PIBF1: variants seen among roughly 807,000 people sequenced by gnomAD.
The protein encoded by PIBF1 is progesterone-induced-blocking factor 1.
Under a neutral mutation model 112.5 loss-of-function variants are expected in PIBF1, and 90 were observed. The observed-to-expected ratio is 0.80, with a 90% CI of 0.67 to 0.95. PIBF1 has a LOEUF of 0.95. Ranked by LOEUF, PIBF1 falls within the 40% of genes least tolerant of loss-of-function variation. The probability of loss-of-function intolerance (pLI) is 0.00; values close to 1 mark genes in which losing one functional copy is unlikely to be tolerated. For synonymous variants in PIBF1, 301 were observed against 288.6 expected (o/e 1.04, Z -0.44); for missense variants, 915 against 852.3 (o/e 1.07, Z -0.92).
chr13:72,956,843 A>C (rs4885053), intron 14 of PIBF1, among the ~76,000 whole-genome samples: 91,273 of 152,000 alleles, frequency 0.6, 28,029 homozygotes, highest in East Asian at 0.76. Flanking sequence ...CCCCATCAAA[A>C]AGTGGGCTAA....
At chr13:72,940,133 G>A (rs1357679094) in intron 14 of PIBF1, among the ~76,000 whole-genome samples, 1 of 151,902 alleles carries the variant, frequency 6.6e-6, no homozygotes, top group African/African-American at 2.4e-5. Flanking sequence ...TTCCTTTGAG[G>A]ACTTCAATGA....
chr13:73,008,602 T>C (rs2044108298), intron 17 of PIBF1, among the ~76,000 whole-genome samples: 1 of 152,176 alleles, frequency 6.6e-6, no homozygotes, highest in Non-Finnish European at 1.5e-5. Flanking sequence ...TCTGTGGATC[T>C]TACATTCATG....
At chr13:72,788,483 C>T (rs907359285) in intron 2 of PIBF1, among the ~76,000 whole-genome samples, 1 of 152,208 alleles carries the variant, frequency 6.6e-6, no homozygotes, top group African/African-American at 2.4e-5. Flanking sequence ...ATTAGGAACC[C>T]AGGCTCCTTT....
At position 72,792,466 on chromosome 13, in the gene PIBF1, A is replaced by T; in HGVS notation, c.272A>T (p.Lys91Ile). ...YLTKIEELEE[K>I]LNDALHQKQL... is the part of the protein sequence containing the mutation. ...ACGAAGATTGAAGAATTGGAGGAGA[A>T]ACTTAATGATGCACTTCACCAGAAG... Residue 91 changes from lysine (K) to isoleucine (I), a missense_variant, in exon 3 of 18, where the codon AAA becomes ATA. By Grantham distance (102) the Lys-to-Ile change is moderately radical. Coordinates refer to ENST00000326291, the MANE Select transcript of PIBF1 (RefSeq NM_006346.4). The T allele has an allele frequency of 6.4e-7, 1 of 1,565,610 alleles. No homozygotes were observed.
At chr13:72,953,656 A>C (rs1227548615) in intron 14 of PIBF1, among the ~76,000 whole-genome samples, 2 of 152,178 alleles carry the variant, frequency 1.3e-5, no homozygotes, top group African/African-American at 4.8e-5. Flanking sequence ...GGACAGACTC[A>C]AGACCTCCTG....
At chr13:72,906,472 A>G (rs1300998249) in intron 11 of PIBF1, among the ~76,000 whole-genome samples, 1 of 152,098 alleles carries the variant, frequency 6.6e-6, no homozygotes, top group Non-Finnish European at 1.5e-5. Flanking sequence ...TTTTTATTAA[A>G]ACAAATCCTT....
At chr13:72,821,783 T>G (rs1192092930) in intron 5 of PIBF1, 66 bp from the exon 6 acceptor site, 2 of 1,226,464 alleles carry the variant, frequency 1.6e-6, no homozygotes, top group East Asian at 5.1e-5. Context: ...AAGACTTCAA[T>G]ACAGAATTTG....
intron 14 of PIBF1, among the ~76,000 whole-genome samples, chr13:72,958,309 CAAAAAAAA>C (rs71799519): frequency 1.2e-4 from 8 of 68,746 alleles, no homozygotes; most frequent in East Asian, 5.7e-4. Context: ...GACCCTATCT[CAAAAAAAA>C]AAAAAAAAAA....
At chr13:72,965,017 G>A (rs1026519573) in intron 14 of PIBF1, among the ~76,000 whole-genome samples, 2 of 152,094 alleles carry the variant, frequency 1.3e-5, no homozygotes, top group Admixed American at 1.3e-4. Flanking sequence ...AGCCGAGATC[G>A]CGCCACTGCA....
At chr13:72,791,992 G>T (rs570905117) in intron 2 of PIBF1, among the ~76,000 whole-genome samples, 1 of 151,830 alleles carries the variant, frequency 6.6e-6, no homozygotes, top group Admixed American at 6.6e-5. Flanking sequence ...AAATTTGGAG[G>T]TTGGCAAAAC....
chr13:72,889,277 T>C (rs1566409165), intron 10 of PIBF1, among the ~76,000 whole-genome samples: 2 of 152,208 alleles, frequency 1.3e-5, no homozygotes, highest in Admixed American at 6.5e-5. Context: ...TTCTTATAGC[T>C]GAATCTACCA....
At chr13:73,010,047 T>G (rs1475892842) in intron 17 of PIBF1, among the ~76,000 whole-genome samples, 1 of 152,148 alleles carries the variant, frequency 6.6e-6, no homozygotes, top group African/African-American at 2.4e-5. Context: ...TACAAACCAA[T>G]TCTGCATCCT....
At chr13:72,866,237 C>T (rs2038923603) in intron 10 of PIBF1, among the ~76,000 whole-genome samples, 1 of 152,182 alleles carries the variant, frequency 6.6e-6, no homozygotes, top group Non-Finnish European at 1.5e-5. Context: ...AACTTAATCA[C>T]ATCTACAAAG....
chr13:72,894,693 G>A (rs2182122), intron 11 of PIBF1, among the ~76,000 whole-genome samples: 115,595 of 149,008 alleles, frequency 0.78, 45,144 homozygotes, highest in South Asian at 0.85. Flanking sequence ...ACCTCATACC[G>A]TATAGCAAAA....
intron 1 of PIBF1, among the ~76,000 whole-genome samples, 168 bp downstream of exon 1, chr13:72,782,517 C>T (rs530695666): frequency 6.6e-5 from 10 of 152,236 alleles, no homozygotes; most frequent in Admixed American, 5.2e-4. Context: ...TTACCTATTT[C>T]CCTTCAAAAA....
At chr13:72,909,322 A>C (rs2040817135) in intron 12 of PIBF1, among the ~76,000 whole-genome samples, 1 of 152,130 alleles carries the variant, frequency 6.6e-6, no homozygotes, top group African/African-American at 2.4e-5. Context: ...TTTCTAATCT[A>C]CTGAGAGAGG....
At chr13:72,892,556 T>C (rs2040097556) in intron 10 of PIBF1, among the ~76,000 whole-genome samples, 1 of 152,122 alleles carries the variant, frequency 6.6e-6, no homozygotes. Flanking sequence ...AAGTCTAATA[T>C]AAAATTGGGC....
chr13:72,986,707 A>AT (rs1385504579), intron 16 of PIBF1, among the ~76,000 whole-genome samples: 9 of 127,672 alleles, frequency 7.0e-5, no homozygotes, highest in African/African-American at 2.8e-4. Context: ...TTTTTGAGAC[A>AT]GAGTCTCGCT....
chr13:72,805,205 C>G (rs569759876), intron 5 of PIBF1, among the ~76,000 whole-genome samples: 1 of 152,150 alleles, frequency 6.6e-6, no homozygotes, highest in South Asian at 2.1e-4. Context: ...TGCAGTGGCA[C>G]GATCTCGGTT....
Sources: gnomAD v4.1 joint callset for allele counts (sites outside exome capture counted in the v4.1 genomes callset) on GRCh38, gnomAD v4.1.1 for gene constraint, MANE v1.5 for transcripts, NCBI Gene and HGNC (gene_info 2026-07-23, HGNC 2026-07-21) for gene names.